The following HYCC2 variants were observed in gnomAD, a reference collection of about 807,000 sequenced individuals.
HYCC2 encodes the protein hyccin 2.
the HYCC2 span, among the ~76,000 whole-genome samples, chr2:201,001,622 T>C: frequency 6.6e-6 from 1 of 152,118 alleles, no homozygotes. Context: ...GTAAAATGTC[T>C]AGTAATAAAA....
At chr2:201,058,336 T>C in the HYCC2 span, among the ~76,000 whole-genome samples, 6 of 152,250 alleles carry the variant, frequency 3.9e-5, no homozygotes. Flanking sequence ...CTAACATTTA[T>C]AATGTCATTA....
chr2:201,049,382 C>G, the HYCC2 span, among the ~76,000 whole-genome samples: 287 of 152,164 alleles, frequency 1.9e-3, no homozygotes, highest in Middle Eastern at 6.8e-3. Context: ...CGGAGTCTCG[C>G]TCTATCGCCC....
the HYCC2 span, chr2:200,976,650 G>C: frequency 3.3e-5 from 5 of 152,048 alleles, no homozygotes; most frequent in African/African-American, 9.7e-5. Flanking sequence ...TGAGAATACA[G>C]ACTGGAAATA....
At chr2:201,045,089 A>ATTACCAAATTTCC in the HYCC2 span, among the ~76,000 whole-genome samples, 62 of 152,210 alleles carry the variant, frequency 4.1e-4, no homozygotes, top group African/African-American at 1.2e-3. Context: ...TATTAGTATA[A>ATTACCAAATTTCC]TTACCAAATT....
the HYCC2 span, among the ~76,000 whole-genome samples, chr2:201,008,201 C>T: frequency 1.3e-5 from 2 of 152,080 alleles, no homozygotes; most frequent in Non-Finnish European, 2.9e-5. Flanking sequence ...ATTTCAGGTA[C>T]GAATCCCATT....
At chr2:201,053,648 G>A in the HYCC2 span, among the ~76,000 whole-genome samples, 1 of 152,208 alleles carries the variant, frequency 6.6e-6, no homozygotes, top group Non-Finnish European at 1.5e-5. Flanking sequence ...AATGACATGA[G>A]TAATCTCAGG....
the HYCC2 span, among the ~76,000 whole-genome samples, chr2:201,034,724 T>G: frequency 1.1e-4 from 16 of 152,244 alleles, no homozygotes; most frequent in South Asian, 2.1e-4. Context: ...CAATTTGGCA[T>G]GTTTTTGCAG....
chr2:201,001,062 C>T, the HYCC2 span, among the ~76,000 whole-genome samples: 3 of 150,684 alleles, frequency 2.0e-5, no homozygotes, highest in African/African-American at 7.4e-5. Flanking sequence ...CACTTGAACC[C>T]AGGAGGCAGA....
chr2:201,037,488 A>T, the HYCC2 span, among the ~76,000 whole-genome samples: 2 of 152,324 alleles, frequency 1.3e-5, no homozygotes, highest in South Asian at 4.1e-4. Context: ...CTGACTTCAA[A>T]CTATACTACA....
the HYCC2 span, among the ~76,000 whole-genome samples, chr2:201,057,785 C>A: frequency 6.6e-6 from 1 of 152,078 alleles, no homozygotes; most frequent in African/African-American, 2.4e-5. Flanking sequence ...TGGCATTGAC[C>A]TTACAGAGAA....
chr2:201,019,400 G>C, the HYCC2 span, among the ~76,000 whole-genome samples: 1 of 152,114 alleles, frequency 6.6e-6, no homozygotes, highest in Admixed American at 6.5e-5. Context: ...AAGCGAATGG[G>C]GGGTAGATGT....
the HYCC2 span, among the ~76,000 whole-genome samples, chr2:201,038,220 G>A: frequency 2.0e-4 from 31 of 152,192 alleles, no homozygotes; most frequent in Admixed American, 1.2e-3. Context: ...TTAGAATGGC[G>A]ATCATTACAA....
the HYCC2 span, among the ~76,000 whole-genome samples, chr2:201,067,656 T>C: frequency 6.6e-6 from 1 of 152,220 alleles, no homozygotes; most frequent in Non-Finnish European, 1.5e-5. Context: ...AAGGTAAACA[T>C]ATTTGCAATG....
At chr2:200,992,451 T>C in the HYCC2 span, 10 of 976,048 alleles carry the variant, frequency 1.0e-5, no homozygotes, top group Non-Finnish European at 1.6e-5. Context: ...AGTCCTGCTA[T>C]TTTGGTTGTG....
the HYCC2 span, chr2:201,016,976 T>C: frequency 6.2e-7 from 1 of 1,607,388 alleles, no homozygotes; most frequent in Non-Finnish European, 8.5e-7. Context: ...TCCCAAACTG[T>C]CATCTTCAAC....
the HYCC2 span, among the ~76,000 whole-genome samples, chr2:201,067,842 C>G: frequency 1.3e-5 from 2 of 152,182 alleles, no homozygotes; most frequent in Non-Finnish European, 2.9e-5. Context: ...ATATAAATGT[C>G]TATACAAATT....
the HYCC2 span, among the ~76,000 whole-genome samples, chr2:201,065,001 A>G: frequency 3.3e-5 from 5 of 152,198 alleles, no homozygotes; most frequent in Admixed American, 6.5e-5. Context: ...ACAAGCACTC[A>G]TGTATACGTG....
chr2:200,979,129 T>C, the HYCC2 span: 1 of 152,142 alleles, frequency 6.6e-6, no homozygotes, highest in Non-Finnish European at 1.5e-5. Context: ...TGTTTTAGTA[T>C]GTTATGGGCC....
At chr2:201,035,515 C>A in the HYCC2 span, among the ~76,000 whole-genome samples, 1 of 152,004 alleles carries the variant, frequency 6.6e-6, no homozygotes, top group African/African-American at 2.4e-5. Context: ...AATCTTTTTT[C>A]AAGGTTTTTA....
Sources: allele counts gnomAD v4.1 joint callset (sites outside exome capture counted in the v4.1 genomes callset), GRCh38; gene constraint gnomAD v4.1.1; transcripts MANE v1.5; gene names NCBI Gene and HGNC (gene_info 2026-07-23, HGNC 2026-07-21).